The following CPHXL2 variants were observed in gnomAD, a reference collection of about 807,000 sequenced individuals.
CPHXL2 encodes the protein cytoplasmic polyadenylated homeobox like 2, also known as cytoplasmic polyadenylated homeobox-like protein 2.
the CPHXL2 span, among the ~76,000 whole-genome samples, chr16:75,676,014 G>T: frequency 6.6e-6 from 1 of 152,114 alleles, no homozygotes; most frequent in Non-Finnish European, 1.5e-5. Flanking sequence ...GGGAGATGGA[G>T]GTTGCAGTGA....
At chr16:75,664,015 T>G in the CPHXL2 span, among the ~76,000 whole-genome samples, 4 of 152,200 alleles carry the variant, frequency 2.6e-5, no homozygotes, top group Non-Finnish European at 5.9e-5. Context: ...CCACAATTCC[T>G]TATGGTAACC....
At chr16:75,671,790 G>A in the CPHXL2 span, among the ~76,000 whole-genome samples, 1 of 152,204 alleles carries the variant, frequency 6.6e-6, no homozygotes, top group Non-Finnish European at 1.5e-5. Context: ...TCTAGAAATA[G>A]CAAGGAAGAC....
chr16:75,671,140 T>C, the CPHXL2 span, among the ~76,000 whole-genome samples: 65 of 152,258 alleles, frequency 4.3e-4, no homozygotes, highest in Non-Finnish European at 8.4e-4. Flanking sequence ...CCCAGCATTC[T>C]GGAAGGCCGA....
At chr16:75,662,577 G>A in the CPHXL2 span, among the ~76,000 whole-genome samples, 1 of 151,838 alleles carries the variant, frequency 6.6e-6, no homozygotes, top group Non-Finnish European at 1.5e-5. Flanking sequence ...GAGATTCTAA[G>A]TATTTTGAGA....
chr16:75,675,661 C>G, the CPHXL2 span, among the ~76,000 whole-genome samples: 3 of 152,202 alleles, frequency 2.0e-5, no homozygotes, highest in Non-Finnish European at 2.9e-5. Context: ...GAGCTCATTC[C>G]TATCAAAGCT....
chr16:75,662,959 C>T, the CPHXL2 span, among the ~76,000 whole-genome samples: 3 of 152,016 alleles, frequency 2.0e-5, no homozygotes, highest in Non-Finnish European at 4.4e-5. Flanking sequence ...CCACCAAGCC[C>T]GGCTAATTTT....
the CPHXL2 span, chr16:75,661,167 G>T: frequency 2.5e-6 from 1 of 400,762 alleles, no homozygotes. Flanking sequence ...GGCTTGGACT[G>T]GGAAATCGTG....
the CPHXL2 span, among the ~76,000 whole-genome samples, chr16:75,674,066 C>G: frequency 1.4e-5 from 2 of 145,172 alleles, no homozygotes; most frequent in Non-Finnish European, 3.0e-5. Context: ...ATAACTTTAA[C>G]AAAAGAAGTG....
chr16:75,660,403 C>A, the CPHXL2 span: 1 of 398,628 alleles, frequency 2.5e-6, no homozygotes, highest in Non-Finnish European at 4.4e-6. Context: ...GAGTTGGCAG[C>A]TATTTGGGGA....
chr16:75,660,755 T>A, the CPHXL2 span: 1 of 398,518 alleles, frequency 2.5e-6, no homozygotes, highest in African/African-American at 2.1e-5. Flanking sequence ...CATGAAAATA[T>A]GGCACAGAAG....
At chr16:75,667,503 C>T in the CPHXL2 span, among the ~76,000 whole-genome samples, 8 of 152,052 alleles carry the variant, frequency 5.3e-5, no homozygotes, top group Admixed American at 2.0e-4. Context: ...AAATCTTTGC[C>T]ATTCTCTTAT....
At chr16:75,662,855 G>A in the CPHXL2 span, among the ~76,000 whole-genome samples, 1 of 148,026 alleles carries the variant, frequency 6.8e-6, no homozygotes, top group African/African-American at 2.5e-5. Context: ...CTGGAGTGCA[G>A]TGGCGCAGTG....
chr16:75,675,328 T>C, the CPHXL2 span, among the ~76,000 whole-genome samples: 1 of 151,548 alleles, frequency 6.6e-6, no homozygotes, highest in South Asian at 2.1e-4. Flanking sequence ...TACATTGATA[T>C]TATATTTAAT....
the CPHXL2 span, among the ~76,000 whole-genome samples, chr16:75,666,282 A>G: frequency 6.6e-6 from 1 of 152,052 alleles, no homozygotes; most frequent in Admixed American, 6.5e-5. Context: ...AATTTATAAA[A>G]CAATTACTAC....
chr16:75,674,372 C>CAAAAAAAAAAAAAAAAAAA, the CPHXL2 span, among the ~76,000 whole-genome samples: 1 of 53,400 alleles, frequency 1.9e-5, no homozygotes, highest in African/African-American at 7.4e-5. Flanking sequence ...GACTCCGTCT[C>CAAAAAAAAAAAAAAAAAAA]AAAAAAAAAA....
the CPHXL2 span, among the ~76,000 whole-genome samples, chr16:75,663,149 A>C: frequency 3.9e-5 from 6 of 152,172 alleles, no homozygotes; most frequent in African/African-American, 1.4e-4. Flanking sequence ...TTACTTGCAT[A>C]ATCTAACAGG....
chr16:75,668,775 C>T, the CPHXL2 span, among the ~76,000 whole-genome samples: 1 of 151,904 alleles, frequency 6.6e-6, no homozygotes, highest in Non-Finnish European at 1.5e-5. Flanking sequence ...TTTAATTGTG[C>T]AGTGGTGGGA....
chr16:75,668,496 G>A, the CPHXL2 span, among the ~76,000 whole-genome samples: 3 of 152,120 alleles, frequency 2.0e-5, no homozygotes, highest in African/African-American at 7.2e-5. Context: ...CAAAGTGCTA[G>A]GATTACAGGC....
At chr16:75,670,354 A>G in the CPHXL2 span, among the ~76,000 whole-genome samples, 1 of 152,216 alleles carries the variant, frequency 6.6e-6, no homozygotes. Flanking sequence ...GGAGCCTGAA[A>G]GGGAGAGAAC....
Sources: allele counts gnomAD v4.1 joint callset (sites outside exome capture counted in the v4.1 genomes callset), GRCh38; gene constraint gnomAD v4.1.1; transcripts MANE v1.5; gene names NCBI Gene and HGNC (gene_info 2026-07-23, HGNC 2026-07-21).